Variants in CMIP observed in about 807,000 individuals in gnomAD.
CMIP encodes C-Maf-inducing protein.
CMIP carries 13 observed loss-of-function variants against 97.3 expected under a neutral mutation model. The ratio of observed to expected loss-of-function variants is 0.13; its 90% CI spans 0.09 to 0.21. CMIP has a LOEUF of 0.21. Among genes scored for constraint, CMIP ranks in the 10% least tolerant of loss-of-function variants. CMIP has a pLI of 1.00. For synonymous variants in CMIP, 538 were observed against 436.3 expected (o/e 1.23, Z -2.91); for missense variants, 847 against 1,024.9 (o/e 0.83, Z 2.37).
chr16:81,703,813 A>C, intron 17 of CMIP, 126 bp from the exon 18 acceptor site: 4 of 1,292,544 alleles, frequency 3.1e-6, no homozygotes, highest in Middle Eastern at 2.8e-4. Flanking sequence ...AGCTCCTGGG[A>C]TTTACCGCCC....
At chr16:81,521,304 G>A (rs2090022144) in intron 1 of CMIP, among the ~76,000 whole-genome samples, 1 of 152,178 alleles carries the variant, frequency 6.6e-6, no homozygotes, top group Non-Finnish European at 1.5e-5. Flanking sequence ...GCAGGATGTG[G>A]TTCCTATGGT....
At position 81,446,491 on chromosome 16, in the gene CMIP, A is replaced by T. The variant is rs1470520213; in HGVS notation, c.300+950A>T. ...GGATGCTTTGTGTTTTGAAACAAGG[A>T]CAGTTTCAAATACCGGCTGTGGCTT... On this transcript the variant is annotated intron_variant, in intron 1 of 20. Coordinates refer to ENST00000537098, the MANE Select transcript of CMIP (RefSeq NM_198390.3). Among the ~76,000 whole-genome samples the T allele has an allele frequency of 3.9e-5, 6 of 152,042 alleles. No individual in the cohort carries two copies. The South Asian group carries it at 8.3e-4, about 21-fold the overall frequency.
intron 1 of CMIP, among the ~76,000 whole-genome samples, chr16:81,474,217 C>G (rs990193885): frequency 4.6e-5 from 7 of 152,132 alleles, no homozygotes; most frequent in African/African-American, 1.7e-4. Context: ...ACCCCCCGGG[C>G]TTGGAGAGGG....
intron 6 of CMIP, among the ~76,000 whole-genome samples, chr16:81,663,310 A>AAT (rs397753548): frequency 2.0e-4 from 30 of 151,984 alleles, no homozygotes; most frequent in African/African-American, 6.3e-4. Flanking sequence ...AAAAAAAAAA[A>AAT]CGAGCTAGCA....
chr16:81,556,925 A>C (rs1233259981), intron 1 of CMIP, among the ~76,000 whole-genome samples: 1 of 152,202 alleles, frequency 6.6e-6, no homozygotes, highest in Non-Finnish European at 1.5e-5. Context: ...AGGGAGGCCA[A>C]GGAGGCGCGA....
intron 3 of CMIP, among the ~76,000 whole-genome samples, chr16:81,629,134 T>TAAAAAAAAAAAA (rs10533097): frequency 2.2e-5 from 1 of 45,686 alleles, no homozygotes; most frequent in Non-Finnish European, 4.0e-5. Context: ...AAACTGTGCT[T>TAAAAAAAAAAAA]AAAAAAAAAA....
intron 3 of CMIP, chr16:81,631,629 A>G (rs1318942577): frequency 1.3e-5 from 2 of 152,012 alleles, no homozygotes; most frequent in African/African-American, 4.8e-5. Flanking sequence ...GCTTCTTATG[A>G]TTTGTCTGTG....
chr16:81,551,445 A>T (rs374865982), intron 1 of CMIP, among the ~76,000 whole-genome samples: 1 of 152,242 alleles, frequency 6.6e-6, no homozygotes, highest in Non-Finnish European at 1.5e-5. Context: ...GACATGGCAC[A>T]TGGGACCTGG....
intron 1 of CMIP, among the ~76,000 whole-genome samples, chr16:81,527,248 G>A (rs1375608161): frequency 1.3e-5 from 2 of 152,200 alleles, no homozygotes; most frequent in Admixed American, 6.5e-5. Flanking sequence ...AGCCCACGGT[G>A]GGGGAGGTTG....
At chr16:81,612,593 G>A (rs1008704637) in intron 2 of CMIP, among the ~76,000 whole-genome samples, 3 of 152,146 alleles carry the variant, frequency 2.0e-5, no homozygotes, top group Non-Finnish European at 2.9e-5. Context: ...CGCTCACAGC[G>A]CACCCTGGGC....
intron 1 of CMIP, among the ~76,000 whole-genome samples, chr16:81,503,159 T>C (rs2089643796): frequency 6.6e-6 from 1 of 152,136 alleles, no homozygotes; most frequent in Non-Finnish European, 1.5e-5. Flanking sequence ...CCCAATACTG[T>C]CCCAATTATA....
chr16:81,703,632 C>A (rs970610132), intron 17 of CMIP, among the ~76,000 whole-genome samples: 4 of 152,026 alleles, frequency 2.6e-5, no homozygotes, highest in Admixed American at 2.6e-4. Flanking sequence ...CACACACAGA[C>A]GCCTGTGGGA....
intron 16 of CMIP, among the ~76,000 whole-genome samples, chr16:81,702,372 C>A (rs997319051): frequency 6.6e-6 from 1 of 152,088 alleles, no homozygotes; most frequent in Non-Finnish European, 1.5e-5. Context: ...ATTGATAACA[C>A]CCCTTCCATT....
chr16:81,563,219 A>G (rs2090918536), intron 1 of CMIP, among the ~76,000 whole-genome samples: 1 of 152,234 alleles, frequency 6.6e-6, no homozygotes, highest in Non-Finnish European at 1.5e-5. Flanking sequence ...GATGGCAGAC[A>G]CAGAGGAACA....
chr16:81,690,244 G>T (rs568190245), intron 10 of CMIP, among the ~76,000 whole-genome samples: 2 of 152,144 alleles, frequency 1.3e-5, no homozygotes, highest in Admixed American at 6.5e-5. Context: ...ATTACCTTGG[G>T]CAGTATGGCC....
At chr16:81,626,249 G>A (rs1366720670) in intron 3 of CMIP, among the ~76,000 whole-genome samples, 1 of 150,072 alleles carries the variant, frequency 6.7e-6, no homozygotes, top group Non-Finnish European at 1.5e-5. Flanking sequence ...GAATGTGTGA[G>A]TGTGTGTGAG....
chr16:81,521,684 G>T (rs2090031062), intron 1 of CMIP, among the ~76,000 whole-genome samples: 1 of 152,160 alleles, frequency 6.6e-6, no homozygotes, highest in African/African-American at 2.4e-5. Context: ...TGTATTTGTA[G>T]ACAGATGTGG....
chr16:81,625,835 G>A (rs1037257773), intron 3 of CMIP, among the ~76,000 whole-genome samples: 7 of 152,196 alleles, frequency 4.6e-5, no homozygotes, highest in African/African-American at 1.2e-4. Context: ...TCCTCAGGCC[G>A]AGGCACACTA....
intron 1 of CMIP, among the ~76,000 whole-genome samples, chr16:81,465,157 C>T (rs571184094): frequency 5.3e-5 from 8 of 152,272 alleles, no homozygotes; most frequent in South Asian, 4.1e-4. Context: ...AGTTAGATAA[C>T]GCAAATAAAC....
Sources: gnomAD v4.1 joint callset for allele counts (sites outside exome capture counted in the v4.1 genomes callset) on GRCh38, gnomAD v4.1.1 for gene constraint, MANE v1.5 for transcripts, NCBI Gene and HGNC (gene_info 2026-07-23, HGNC 2026-07-21) for gene names.